Variants in ST3GAL3 observed in about 807,000 individuals in gnomAD.
ST3GAL3 encodes the protein CMP-N-acetylneuraminate-beta-1,4-galactoside alpha-2,3-sialyltransferase.
In ST3GAL3, 21 loss-of-function variants were observed where a neutral mutation model predicts 50.1. The observed-to-expected ratio is 0.42, with a 90% CI of 0.30 to 0.60. The LOEUF (loss-of-function observed/expected upper bound fraction) is 0.60. Among genes scored for constraint, ST3GAL3 ranks in the 20% least tolerant of loss-of-function variants. ST3GAL3 has a pLI of 0.19. For synonymous variants in ST3GAL3, 183 were observed against 190.0 expected, an observed-to-expected ratio of 0.96 and a Z score of 0.30; for missense variants, 353 against 489.4, an observed-to-expected ratio of 0.72 and a Z score of 2.63.
chr1:43,922,091 C>T (rs1343006499), intron 11 of ST3GAL3: 1 of 189,362 alleles, frequency 5.3e-6, no homozygotes, highest in Non-Finnish European at 1.1e-5. Flanking sequence ...CATAGCTGGG[C>T]ACAGTGGCTC....
rs74491310 is a variant in ST3GAL3 at position 43,747,976 on chromosome 1, A to G, written c.118+11596A>G. On this transcript the variant is annotated intron_variant, in intron 2 of 11. Coordinates refer to ENST00000347631, the MANE Select transcript of ST3GAL3 (RefSeq NM_006279.5). ...ACTCAACTTTTAGCCCTCCAAACACATTGTTGGTTCCCCTGGTAACCAGCC... is the reference window on the plus strand; with the variant it reads ...ACTCAACTTTTAGCCCTCCAAACACGTTGTTGGTTCCCCTGGTAACCAGCC... Among the ~76,000 whole-genome samples, 806 of 152,044 alleles carry G rather than the reference A, an allele frequency of 5.3e-3. 16 individuals carry two copies. The highest frequency in any genetic ancestry group is 0.018 in the African/African-American group (749 of 41,466).
chr1:43,885,433 C>T (rs1030875295), intron 5 of ST3GAL3, among the ~76,000 whole-genome samples: 3 of 152,012 alleles, frequency 2.0e-5, no homozygotes, highest in African/African-American at 4.8e-5. Context: ...GAGGCTGCCT[C>T]GCGTGCCGGG....
At chr1:43,855,546 G>T (rs4660754) in intron 5 of ST3GAL3, among the ~76,000 whole-genome samples, 84,451 of 150,678 alleles carry the variant, frequency 0.56, 27,462 homozygotes, top group Non-Finnish European at 0.74. Flanking sequence ...GGAGGCGGAG[G>T]TTATAGTGAG....
chr1:43,915,724 A>G (rs1431694637), intron 9 of ST3GAL3, among the ~76,000 whole-genome samples: 1 of 152,192 alleles, frequency 6.6e-6, no homozygotes, highest in African/African-American at 2.4e-5. Flanking sequence ...ATGGACTGAG[A>G]CTGAAATGAG....
chr1:43,834,818 A>G (rs1385281758), intron 4 of ST3GAL3, among the ~76,000 whole-genome samples: 1 of 152,164 alleles, frequency 6.6e-6, no homozygotes, highest in Non-Finnish European at 1.5e-5. Flanking sequence ...TTGGAATTAC[A>G]TGGTTTCCAC....
At chr1:43,770,710 T>C (rs1037550872) in intron 2 of ST3GAL3, among the ~76,000 whole-genome samples, 1 of 152,206 alleles carries the variant, frequency 6.6e-6, no homozygotes, top group African/African-American at 2.4e-5. Context: ...GTTGATTGAC[T>C]GTTAACTCTA....
At chr1:43,815,869 C>T (rs2061166421) in intron 4 of ST3GAL3, among the ~76,000 whole-genome samples, 1 of 148,512 alleles carries the variant, frequency 6.7e-6, no homozygotes. Flanking sequence ...GCCCGTTAAA[C>T]ACTGAATGCT....
intron 2 of ST3GAL3, among the ~76,000 whole-genome samples, chr1:43,791,133 T>A (rs1294923049): frequency 1.3e-5 from 2 of 152,238 alleles, no homozygotes; most frequent in Non-Finnish European, 2.9e-5. Context: ...CCTTCAGCTA[T>A]GAGTTCAAGC....
intron 4 of ST3GAL3, among the ~76,000 whole-genome samples, chr1:43,822,524 G>C (rs1269966395): frequency 6.6e-6 from 1 of 152,184 alleles, no homozygotes; most frequent in African/African-American, 2.4e-5. Flanking sequence ...TTAACCCCCA[G>C]AGCCTTGTGA....
intron 5 of ST3GAL3, among the ~76,000 whole-genome samples, chr1:43,856,236 GTT>G (rs2068347121): frequency 6.6e-6 from 1 of 152,236 alleles, no homozygotes; most frequent in African/African-American, 2.4e-5. Flanking sequence ...AAGTTTCAGT[GTT>G]TTTACATACA....
At chr1:43,817,557 C>CTTCCTT (rs2061446101) in intron 4 of ST3GAL3, among the ~76,000 whole-genome samples, 2 of 64,984 alleles carry the variant, frequency 3.1e-5, no homozygotes, top group Non-Finnish European at 6.2e-5. Flanking sequence ...TTCTTCTTCT[C>CTTCCTT]CTTCTTCCTT....
intron 4 of ST3GAL3, among the ~76,000 whole-genome samples, chr1:43,830,151 G>A (rs1237186417): frequency 1.3e-5 from 2 of 151,486 alleles, no homozygotes; most frequent in Admixed American, 1.3e-4. Context: ...TACAACCTCA[G>A]CCTCCTGAGG....
At chr1:43,712,146 G>T (rs1396592482) in intron 1 of ST3GAL3, among the ~76,000 whole-genome samples, 1 of 152,194 alleles carries the variant, frequency 6.6e-6, no homozygotes, top group Non-Finnish European at 1.5e-5. Context: ...TGGGGCAGTT[G>T]TGAGAATTAA....
At chr1:43,806,222 A>G (rs1305928114) in intron 3 of ST3GAL3, among the ~76,000 whole-genome samples, 18 of 152,230 alleles carry the variant, frequency 1.2e-4, no homozygotes, top group South Asian at 2.1e-4. Flanking sequence ...TTGTTGTACT[A>G]TAAAAACATC....
At chr1:43,799,883 A>G (rs748075656) in intron 3 of ST3GAL3, among the ~76,000 whole-genome samples, 2 of 152,182 alleles carry the variant, frequency 1.3e-5, no homozygotes, top group African/African-American at 2.4e-5. Context: ...TGGCCCGGAC[A>G]CAGTTGATGC....
intron 1 of ST3GAL3, among the ~76,000 whole-genome samples, chr1:43,715,917 A>C (rs879827093): frequency 3.2e-4 from 49 of 152,218 alleles, no homozygotes; most frequent in Admixed American, 8.5e-4. Flanking sequence ...CAAGGCAAAG[A>C]ATGTCTTAGA....
chr1:43,755,357 T>A (rs1421019464), intron 2 of ST3GAL3, among the ~76,000 whole-genome samples: 3 of 152,252 alleles, frequency 2.0e-5, no homozygotes, highest in Non-Finnish European at 2.9e-5. Flanking sequence ...TAATGTCACG[T>A]GTTGGCTGGA....
chr1:43,718,748 A>T (rs1668798616), intron 1 of ST3GAL3, among the ~76,000 whole-genome samples: 1 of 120,236 alleles, frequency 8.3e-6, no homozygotes, highest in African/African-American at 3.3e-5. Flanking sequence ...AGTGCAGTGG[A>T]GTGATCTTGA....
chr1:43,905,312 T>C (rs2079138492), intron 9 of ST3GAL3, among the ~76,000 whole-genome samples: 2 of 99,766 alleles, frequency 2.0e-5, no homozygotes, highest in African/African-American at 4.1e-5. Context: ...CCTGCCACTT[T>C]TCCTCCCCCT....
Sources: allele counts gnomAD v4.1 joint callset (sites outside exome capture counted in the v4.1 genomes callset), GRCh38; gene constraint gnomAD v4.1.1; transcripts MANE v1.5; gene names NCBI Gene and HGNC (gene_info 2026-07-23, HGNC 2026-07-21).